FAF1: variants seen among roughly 807,000 people sequenced by gnomAD.
FAF1 encodes Fas associated factor 1, also known as FAS-associated factor 1.
Under a neutral mutation model 92.5 loss-of-function variants are expected in FAF1, and 25 were observed. That is an observed-to-expected ratio of 0.27 (90% CI 0.20 to 0.38). The LOEUF (loss-of-function observed/expected upper bound fraction) is 0.38, where lower values mean the gene tolerates loss of function less well. FAF1 is among the 10% of genes least tolerant of loss of function. FAF1 has a pLI of 1.00. For missense variants in FAF1, 636 were observed against 793.3 expected, an observed-to-expected ratio of 0.80 and a Z score of 2.38; for synonymous variants, 234 against 273.2, an observed-to-expected ratio of 0.86 and a Z score of 1.42.
intron 18 of FAF1, among the ~76,000 whole-genome samples, chr1:50,449,525 C>G (rs1646269827): frequency 7.1e-6 from 1 of 140,232 alleles, no homozygotes; most frequent in Non-Finnish European, 1.5e-5. Context: ...GAGTCTCGCT[C>G]TGTTGCCAGG....
intron 18 of FAF1, among the ~76,000 whole-genome samples, chr1:50,443,791 G>A (rs1223821184): frequency 5.3e-5 from 8 of 152,162 alleles, no homozygotes; most frequent in Admixed American, 1.3e-4. Flanking sequence ...TACTGACTGG[G>A]TAGGGGCCCT....
intron 3 of FAF1, among the ~76,000 whole-genome samples, chr1:50,794,233 C>T (rs939253167): frequency 6.6e-6 from 1 of 151,916 alleles, no homozygotes; most frequent in African/African-American, 2.4e-5. Flanking sequence ...TTGTATTTCC[C>T]AACAATAAAT....
intron 7 of FAF1, among the ~76,000 whole-genome samples, chr1:50,688,743 C>T (rs766433398): frequency 2.0e-5 from 3 of 151,934 alleles, no homozygotes; most frequent in Non-Finnish European, 2.9e-5. Flanking sequence ...ACCCGGGAGG[C>T]GGAGGTTGCG....
chr1:50,550,766 G>A (rs919485002), intron 13 of FAF1, among the ~76,000 whole-genome samples: 4 of 152,174 alleles, frequency 2.6e-5, no homozygotes, highest in Non-Finnish European at 4.4e-5. Flanking sequence ...CAAAACAACA[G>A]TAGAAGTTTA....
chr1:50,640,547 T>C (rs1454772295), intron 8 of FAF1, among the ~76,000 whole-genome samples: 1 of 152,040 alleles, frequency 6.6e-6, no homozygotes, highest in Non-Finnish European at 1.5e-5. Flanking sequence ...ACCCATGTTA[T>C]GGCAGGATTT....
At chr1:50,586,500 T>A (rs944478346) in intron 9 of FAF1, among the ~76,000 whole-genome samples, 1 of 152,200 alleles carries the variant, frequency 6.6e-6, no homozygotes, top group African/African-American at 2.4e-5. Flanking sequence ...AATCATATTT[T>A]CCCTCTCAAC....
intron 7 of FAF1, among the ~76,000 whole-genome samples, chr1:50,677,895 CAAA>C (rs1036524797): frequency 6.4e-5 from 4 of 62,536 alleles, no homozygotes; most frequent in African/African-American, 5.8e-5. Context: ...AACTCTGCCT[CAAA>C]AAAAAAAAAA....
chr1:50,670,367 T>C (rs1655820006), intron 7 of FAF1, among the ~76,000 whole-genome samples: 1 of 151,812 alleles, frequency 6.6e-6, no homozygotes, highest in East Asian at 1.9e-4. Context: ...GGATTACAGG[T>C]GTGAGCCACG....
chr1:50,545,584 A>T lies in FAF1; in HGVS notation c.1269-5856T>A, dbSNP rs529622025. 6.7e-4 allele frequency among the ~76,000 whole-genome samples: 101 copies of T among 151,528 alleles called. 2 individuals are homozygous for T. The highest frequency in any genetic ancestry group is 2.2e-3 in the African/African-American group (91 of 41,340). On this transcript the variant is annotated intron_variant, in intron 13 of 18. Transcript: ENST00000396153. Reference sequence around the variant, plus strand: ...CCATGCCCACCTAAAGCTATATTTTAAAAAAAAAGAAAAAAGAAAAAAAAA... The same window carrying T: ...CCATGCCCACCTAAAGCTATATTTTTAAAAAAAAGAAAAAAGAAAAAAAAA...
chr1:50,822,671 T>C (rs1253465158), intron 2 of FAF1, among the ~76,000 whole-genome samples: 1 of 152,106 alleles, frequency 6.6e-6, no homozygotes, highest in Non-Finnish European at 1.5e-5. Flanking sequence ...CTAATAGTCC[T>C]TTCCCAGATT....
chr1:50,743,620 G>A (rs868178689), intron 5 of FAF1, among the ~76,000 whole-genome samples: 1 of 151,938 alleles, frequency 6.6e-6, no homozygotes, highest in Non-Finnish European at 1.5e-5. Context: ...GAGCCACTGC[G>A]CCCAGCCAAA....
intron 2 of FAF1, among the ~76,000 whole-genome samples, chr1:50,815,429 G>C (rs1412973182): frequency 6.6e-6 from 1 of 152,082 alleles, no homozygotes; most frequent in Non-Finnish European, 1.5e-5. Context: ...AATATCCCAT[G>C]GTGTATATGT....
At chr1:50,544,764 A>G (rs561637488) in intron 13 of FAF1, among the ~76,000 whole-genome samples, 1 of 152,354 alleles carries the variant, frequency 6.6e-6, no homozygotes, top group South Asian at 2.1e-4. Context: ...GTTGTAATAT[A>G]AAATAGAGTG....
intron 1 of FAF1, among the ~76,000 whole-genome samples, chr1:50,940,597 C>T (rs993933977): frequency 2.6e-5 from 4 of 152,152 alleles, no homozygotes; most frequent in African/African-American, 9.7e-5. Context: ...ACTACTAGGA[C>T]GTTGGGAATA....
At chr1:50,475,378 G>A in intron 18 of FAF1, 86 bp downstream of exon 18, 1 of 1,031,928 alleles carries the variant, frequency 9.7e-7, no homozygotes. Flanking sequence ...TGCACCATGG[G>A]ACTTTTCTTG....
intron 12 of FAF1, among the ~76,000 whole-genome samples, chr1:50,571,872 C>T (rs527908061): frequency 2.8e-4 from 42 of 152,282 alleles, no homozygotes; most frequent in Non-Finnish European, 5.4e-4. Flanking sequence ...GAAATATTTG[C>T]TGATGAACTA....
intron 1 of FAF1, among the ~76,000 whole-genome samples, chr1:50,873,614 AT>A (rs1301828620): frequency 6.6e-6 from 1 of 152,214 alleles, no homozygotes; most frequent in Non-Finnish European, 1.5e-5. Flanking sequence ...GACCAACACC[AT>A]GATACTTTAC....
chr1:50,650,251 T>G lies in FAF1; in HGVS notation c.744+5191A>C, dbSNP rs1340923290. ...GTGAGCCGGGATCACACCATTGCAC[T>G]CCAGCCTGTGCAACAAGAGCGAAAC... On this transcript the variant is annotated intron_variant, in intron 8 of 18. Coordinates refer to ENST00000396153, the MANE Select transcript of FAF1 (RefSeq NM_007051.3). Among the ~76,000 whole-genome samples the G allele has an allele frequency of 3.0e-5, 4 of 132,892 alleles. No individual in the cohort carries two copies. The Admixed American group carries it at 3.5e-4, about 12-fold the overall frequency. 87.2% of individuals were successfully genotyped at this position (132,892 alleles called of 152,430 possible).
At chr1:50,608,946 G>A (rs958465069) in intron 8 of FAF1, among the ~76,000 whole-genome samples, 1 of 151,952 alleles carries the variant, frequency 6.6e-6, no homozygotes, top group Admixed American at 6.5e-5. Context: ...AAGAGTATGT[G>A]TATCTGAATC....
Sources: gnomAD v4.1 joint callset for allele counts (sites outside exome capture counted in the v4.1 genomes callset) on GRCh38, gnomAD v4.1.1 for gene constraint, MANE v1.5 for transcripts, NCBI Gene and HGNC (gene_info 2026-07-23, HGNC 2026-07-21) for gene names.